Variants in CELSR3 observed in about 807,000 individuals in gnomAD.
CELSR3 encodes the protein EGF-like protein 1.
A neutral mutation model predicts 270.0 loss-of-function variants in CELSR3; 73 were observed. That is an observed-to-expected ratio of 0.27 (90% confidence interval 0.22 to 0.33). CELSR3 has a LOEUF of 0.33. Among genes scored for constraint, CELSR3 ranks in the 10% least tolerant of loss-of-function variants. The pLI, the probability that CELSR3 is intolerant of heterozygous loss-of-function variation, is 1.00. For synonymous variants in CELSR3, 1,780 were observed against 1,905.4 expected (o/e 0.93, Z 1.71); for missense variants, 3,614 against 4,533.8 (o/e 0.80, Z 5.83).
chr3:48,656,825 C>A lies in CELSR3; in HGVS notation c.4272G>T (p.Pro1424=). ...CGCAAAAGTCTCCCGTGAATCCGGG[C>A]GGGCAGCGGCAGCGCAGGCCAGCGA... The part of the protein sequence containing the change: ...QPIAGLRCRC[P]PGFTGDFCET... The change falls in exon 2 of 35, where the codon CCG becomes CCT. Residue 1424 remains proline (P), a synonymous_variant. Transcript: ENST00000164024. 6.2e-7 allele frequency: 1 copy of A among 1,607,488 alleles called. No individual in the cohort carries two copies. The highest frequency in any genetic ancestry group is 1.1e-5 in the South Asian group (1 of 90,112).
Position 48,654,522 on chromosome 3 carries a change from GA to G in CELSR3, c.4989-71del. ...TAGAGTTGCTCCTGGGGGGCCACAG[GA>G]AGCAGGGGGGTAGGACCCAGAGGGT... On this transcript the variant is annotated intron_variant, in intron 6 of 34. Coordinates refer to ENST00000164024, the MANE Select transcript of CELSR3 (RefSeq NM_001407.3). This position sits in a 1 kb window ranked among gnomAD's most constrained non-coding sequence, Gnocchi z 5.4. 2 of 1,360,870 alleles carry G rather than the reference GA, an allele frequency of 1.5e-6. No homozygotes were observed. Among genetic ancestry groups the G allele is most frequent in the Non-Finnish European group, 2.0e-6 (2 of 997,182 alleles). The allele number at this position is 1,360,870 out of a possible 1,614,324, so 84.3% of individuals were successfully genotyped here.
Position 48,656,778 on chromosome 3 carries a change from T to C in CELSR3, c.4319A>G (p.Tyr1440Cys), listed in dbSNP as rs539571990. 27 of 1,590,822 alleles carry C rather than the reference T, an allele frequency of 1.7e-5. No homozygotes were observed. The highest frequency in any genetic ancestry group is 1.7e-4 in the Middle Eastern group (1 of 5,992). The change falls in exon 2 of 35, where the codon TAC becomes TGC. Residue 1440 changes from tyrosine to cysteine, a missense_variant. By Grantham distance (194) the Tyr-to-Cys change is radical. This residue lies in a region of CELSR3 where 1,331 missense variants were observed against 1,933.7 expected (regional missense o/e 0.69). Transcript: ENST00000164024. Reference protein sequence around the residue: ...DFCETELDLCYSNPCRNGGAC... With the variant: ...DFCETELDLCCSNPCRNGGAC... ...TCCGCCGTTGCGACATGGGTTGGAG[T>C]AGCAGAGGTCGAGCTCGGTCTCGCA...
chr3:48,641,581 C>T lies in CELSR3; in HGVS notation c.8825-57G>A, dbSNP rs544482737. On this transcript the variant is annotated intron_variant, in intron 32 of 34. Coordinates refer to ENST00000164024, the MANE Select transcript of CELSR3 (RefSeq NM_001407.3). This position sits in a 1 kb window ranked among gnomAD's most constrained non-coding sequence, Gnocchi z 4.8. The stretch of plus-strand genomic sequence containing the variant: ...TGGGTTGATCCCAGTGACTCATGAC[C>T]CCTGACCCTAATGACCCTTGAAACC... 7.6e-6 allele frequency: 10 copies of T among 1,318,008 alleles called. No homozygotes were observed. In the South Asian group the frequency reaches 1.2e-4, roughly 16 times the overall value. The allele number at this position is 1,318,008 out of a possible 1,614,324, so 81.6% of individuals were successfully genotyped here. A position where few individuals can be genotyped will look rare whatever the true frequency, so the allele number is the denominator to read the frequency against.
chr3:48,641,280 C>T lies in CELSR3; in HGVS notation c.9025+44G>A. 7.8e-7 allele frequency: 1 copy of T among 1,290,040 alleles called. No homozygotes were observed. The highest frequency in any genetic ancestry group is 2.3e-5 in the East Asian group (1 of 43,318). The allele number at this position is 1,290,040 out of a possible 1,614,324, so 79.9% of individuals were successfully genotyped here. A position where few individuals can be genotyped will look rare whatever the true frequency, so the allele number is the denominator to read the frequency against. Reference sequence around the variant, plus strand: ...ATCCCTTGGCTCAGGGCATGAGCAGCCCCCAGCGTGTCTGCGGTGTGGGCC... The same window carrying T: ...ATCCCTTGGCTCAGGGCATGAGCAGTCCCCAGCGTGTCTGCGGTGTGGGCC... On this transcript the variant is annotated intron_variant, in intron 33 of 34. Transcript: ENST00000164024. This position sits in a 1 kb window ranked among gnomAD's most constrained non-coding sequence, Gnocchi z 4.8.
rs2077047126 is a variant in CELSR3, at chr3:48,659,254, G to C, written c.3381C>G (p.Leu1127=). 2 of 1,614,064 alleles carry C rather than the reference G, an allele frequency of 1.2e-6. No individual in the cohort carries two copies. Among genetic ancestry groups the C allele is most frequent in the Admixed American group, 1.7e-5 (1 of 60,010 alleles). ...MDIFSGELTA[L]IDLDYEARQE... Reference sequence around the variant, plus strand: ...GGCGAGCCTCATAGTCTAGGTCAATGAGTGCCGTCAGTTCTCCAGAGAAGA... The same window carrying C: ...GGCGAGCCTCATAGTCTAGGTCAATCAGTGCCGTCAGTTCTCCAGAGAAGA... The change falls in exon 1 of 35, where the codon CTC becomes CTG. Residue 1127 remains leucine (L), a synonymous_variant. Coordinates refer to ENST00000164024, the MANE Select transcript of CELSR3 (RefSeq NM_001407.3). This position sits in a 1 kb window ranked among gnomAD's most constrained non-coding sequence, Gnocchi z 8.1.
chr3:48,650,433 A>AGGGGGGGGGGGG lies in CELSR3; in HGVS notation c.6472+46_6472+47insCCCCCCCCCCCC. ...GACATGGCTCTAGCAGTCAGAGTAC[A>AGGGGGGGGGGGG]GGCCCACCCCCACCCTCAGTGATGT... On this transcript the variant is annotated intron_variant, in intron 16 of 34. Coordinates refer to ENST00000164024, the MANE Select transcript of CELSR3 (RefSeq NM_001407.3). This position sits in a 1 kb window ranked among gnomAD's most constrained non-coding sequence, Gnocchi z 5.1. 19 of 927,782 alleles carry AGGGGGGGGGGGG rather than the reference A, an allele frequency of 2.0e-5. No individual in the cohort carries two copies. Among genetic ancestry groups the AGGGGGGGGGGGG allele is most frequent in the East Asian group, 3.2e-5 (1 of 31,404 alleles). The allele number at this position is 927,782 out of a possible 1,614,324, so 57.5% of individuals were successfully genotyped here.
rs2047124513 is a variant in CELSR3, at chr3:48,650,212, G to C, written c.6472+268C>G. On this transcript the variant is annotated intron_variant, in intron 16 of 34. Transcript: ENST00000164024. The surrounding 1 kb of genome is among the most constrained non-coding windows in gnomAD (Gnocchi z 5.1). ...CTGCAGGGACCTCAGGCAGCAGGAG[G>C]GGTCTGCAAAAGCTCTGGTAGTGGG... 1 of 586,846 alleles carries C rather than the reference G, an allele frequency of 1.7e-6. No homozygotes were observed. Among genetic ancestry groups the C allele is most frequent in the Admixed American group, 2.2e-5 (1 of 46,300 alleles). The allele number at this position is 586,846 out of a possible 1,614,324, so 36.4% of individuals were successfully genotyped here. A position where few individuals can be genotyped will look rare whatever the true frequency, so the allele number is the denominator to read the frequency against.
chr3:48,654,926 T>C lies in CELSR3; in HGVS notation c.4988+118A>G. 1.1e-5 allele frequency: 11 copies of C among 1,047,220 alleles called. No homozygotes were observed. Among genetic ancestry groups the C allele is most frequent in the Admixed American group, 5.9e-5 (3 of 50,886 alleles). The allele number at this position is 1,047,220 out of a possible 1,614,324, so 64.9% of individuals were successfully genotyped here. A position where few individuals can be genotyped will look rare whatever the true frequency, so the allele number is the denominator to read the frequency against. The stretch of plus-strand genomic sequence containing the variant: ...GGTCTTTGAGAGGAGAGGGGAATCT[T>C]GGTGGTTTGGGGGAAAGATGGGAGA... On this transcript the variant is annotated intron_variant, in intron 6 of 34. Transcript: ENST00000164024. The surrounding 1 kb of genome is among the most constrained non-coding windows in gnomAD (Gnocchi z 5.4).
chr3:48,655,775 C>T lies in CELSR3; in HGVS notation c.4702G>A (p.Glu1568Lys). Residue 1568 changes from glutamate to lysine, a missense_variant, in exon 4 of 35, where the codon GAA (glutamate) becomes AAA (lysine). Around this residue, in one of 7 missense-constraint regions of CELSR3, gnomAD observed 1,331 missense variants for 1,933.7 expected, o/e 0.69. Transcript: ENST00000164024. This position sits in a 1 kb window ranked among gnomAD's most constrained non-coding sequence, Gnocchi z 5.8. ...AGCCGCACTTGGCCAGCCACGAGTTCCAGGGCCAGGAAGTCGTGCTTCTCG... is the reference window on the plus strand; with the variant it reads ...AGCCGCACTTGGCCAGCCACGAGTTTCAGGGCCAGGAAGTCGTGCTTCTCG... ...LNEKHDFLALELVAGQVRLTY... is the reference protein window; with the variant it reads ...LNEKHDFLALKLVAGQVRLTY... 1 of 1,613,736 alleles carries T rather than the reference C, an allele frequency of 6.2e-7. No individual in the cohort carries two copies. The highest frequency in any genetic ancestry group is 1.1e-5 in the South Asian group (1 of 91,058).
At position 48,637,780 on chromosome 3, in the gene CELSR3, G is replaced by A. The variant is rs895826515; in HGVS notation, c.*425C>T. On this transcript the variant is annotated 3_prime_UTR_variant, in exon 35 of 35. Coordinates refer to ENST00000164024, the MANE Select transcript of CELSR3 (RefSeq NM_001407.3). Reference sequence around the variant, plus strand: ...CTCAGATCAACTTGGGGGTGGAATAGGGGGAGGAAGGCATGTGTCCCACCC... The same window carrying A: ...CTCAGATCAACTTGGGGGTGGAATAAGGGGAGGAAGGCATGTGTCCCACCC... The A allele has an allele frequency of 1.7e-5, 3 of 174,154 alleles. No individual in the cohort carries two copies. In the Admixed American group the frequency reaches 1.8e-4, roughly 10 times the overall value. The allele number at this position is 174,154 out of a possible 1,614,324, so 10.8% of individuals were successfully genotyped here. A position where few individuals can be genotyped will look rare whatever the true frequency, so the allele number is the denominator to read the frequency against.
In CELSR3 at chr3:48,661,801, G is replaced by A. The variant is rs1452560806; in HGVS notation, c.834C>T (p.Ser278=). Reference sequence around the variant, plus strand: ...GGAAGCGGCAGCGGAAGAGACCCCGGGAGCGCATGCGCTTGGGCGCCGGCT... The same window carrying A: ...GGAAGCGGCAGCGGAAGAGACCCCGAGAGCGCATGCGCTTGGGCGCCGGCT... The part of the protein sequence containing the change: ...APEPAPKRMR[S]RGLFRCRFLP... The change falls in exon 1 of 35, where the codon TCC becomes TCT. Residue 278 remains serine (S), a synonymous_variant. Transcript: ENST00000164024. 2 of 1,608,610 alleles carry A rather than the reference G, an allele frequency of 1.2e-6. No individual in the cohort carries two copies. Among genetic ancestry groups the A allele is most frequent in the Admixed American group, 1.7e-5 (1 of 59,760 alleles).
At position 48,657,441 on chromosome 3, in the gene CELSR3, C is replaced by T. The variant is rs1490438324; in HGVS notation, c.3749-93G>A. 8.2e-6 allele frequency: 11 copies of T among 1,339,320 alleles called. No individual in the cohort carries two copies. The highest frequency in any genetic ancestry group is 2.8e-5 in the Admixed American group (1 of 35,700). The allele number at this position is 1,339,320 out of a possible 1,614,324, so 83.0% of individuals were successfully genotyped here. A position where few individuals can be genotyped will look rare whatever the true frequency, so the allele number is the denominator to read the frequency against. On this transcript the variant is annotated intron_variant, in intron 1 of 34. Transcript: ENST00000164024. This position sits in a 1 kb window ranked among gnomAD's most constrained non-coding sequence, Gnocchi z 5.4. ...GGCTGGGGCCAGCGATAGCCTAGGCCCCCAGAACCTCTAAGTCAGCAGGCT... is the reference window on the plus strand; with the variant it reads ...GGCTGGGGCCAGCGATAGCCTAGGCTCCCAGAACCTCTAAGTCAGCAGGCT...
In CELSR3 at chr3:48,637,547, G is replaced by C. The variant is rs1258173111; in HGVS notation, c.*658C>G. ...TCAGCTGCTCCACCAGCACCCCACA[G>C]CATCAGTCCTAGGTCATAAGGCAGT... On this transcript the variant is annotated 3_prime_UTR_variant, in exon 35 of 35. Transcript: ENST00000164024. 6.6e-6 allele frequency: 1 copy of C among 152,646 alleles called. No homozygotes were observed. The highest frequency in any genetic ancestry group is 2.4e-5 in the African/African-American group (1 of 41,436). The allele number at this position is 152,646 out of a possible 1,614,324, so 9.5% of individuals were successfully genotyped here. A position where few individuals can be genotyped will look rare whatever the true frequency, so the allele number is the denominator to read the frequency against.
In CELSR3 at chr3:48,662,571, G is replaced by A. The variant is rs2077077802; in HGVS notation, c.64C>T (p.Leu22Phe). Residue 22 changes from leucine to phenylalanine, a missense_variant, in exon 1 of 35, where the codon CTT (leucine) becomes TTT (phenylalanine). Physicochemically the swap from Leu to Phe is conservative, Grantham distance 22. Around this residue, in one of 7 missense-constraint regions of CELSR3, gnomAD observed 470 missense variants for 469.7 expected, o/e 1.00. Coordinates refer to ENST00000164024, the MANE Select transcript of CELSR3 (RefSeq NM_001407.3). This position sits in a 1 kb window ranked among gnomAD's most constrained non-coding sequence, Gnocchi z 7.1. ...CTGAGGGGGAACAAAGAGAGGAGAA[G>A]GAGCAGGAGTATGGGGGTCGACCGT... Reference protein sequence around the residue: ...GGRSTPILLLLLLSLFPLSQE... With the variant: ...GGRSTPILLLFLLSLFPLSQE... The A allele has an allele frequency of 6.4e-7, 1 of 1,561,388 alleles. No homozygotes were observed. The highest frequency in any genetic ancestry group is 8.7e-7 in the Non-Finnish European group (1 of 1,153,142).
chr3:48,640,352 C>G lies in CELSR3; in HGVS notation c.9233G>C (p.Arg3078Pro), dbSNP rs763972908. The G allele has an allele frequency of 6.2e-7, 1 of 1,612,482 alleles. No homozygotes were observed. Among genetic ancestry groups the G allele is most frequent in the Admixed American group, 1.7e-5 (1 of 59,998 alleles). Residue 3078 changes from arginine (R) to proline (P), a missense_variant, in exon 34 of 35, where the codon CGG (arginine) becomes CCG (proline). Transcript: ENST00000164024. The surrounding 1 kb of genome is among the most constrained non-coding windows in gnomAD (Gnocchi z 7.5). ...SREQLDLLLR[R>P]QLSRERLEEA... The stretch of plus-strand genomic sequence containing the variant: ...CTCTAGTCGCTCACGGCTCAGTTGC[C>G]GCCGGAGGAGCAGGTCCAGCTGTTC...
intron 3 of CELSR3, 91 bp downstream of exon 3, chr3:48,656,048 TG>T: frequency 9.0e-7 from 1 of 1,115,274 alleles, no homozygotes; most frequent in Non-Finnish European, 1.2e-6. Context: ...CGGTGTCTCA[TG>T]GGGATGCCAG....
At position 48,653,432 on chromosome 3, in the gene CELSR3, G is replaced by A. The variant is rs2047154646; in HGVS notation, c.5448+187C>T. Among the ~76,000 whole-genome samples the A allele has an allele frequency of 6.6e-6, 1 of 152,190 alleles. No individual in the cohort carries two copies. The highest frequency in any genetic ancestry group is 2.4e-5 in the African/African-American group (1 of 41,438). ...TTGCATAAGAGAGAGCTATGCTGGA[G>A]CCCTGCACCTGCAGAGGATATAATG... is the stretch of plus-strand genomic sequence containing the variant. On this transcript the variant is annotated intron_variant, in intron 9 of 34. Transcript: ENST00000164024. This position sits in a 1 kb window ranked among gnomAD's most constrained non-coding sequence, Gnocchi z 6.5.
In CELSR3 at chr3:48,651,304, C is replaced by T; in HGVS notation, c.6186+55G>A. ...AGGTGGCGGAGGTCAGCAAGCTGGA[C>T]AGGAATTGCAGATTGCGTCCAAGGA... On this transcript the variant is annotated intron_variant, in intron 14 of 34. Transcript: ENST00000164024. The surrounding 1 kb of genome is among the most constrained non-coding windows in gnomAD (Gnocchi z 7.4). 1 of 1,603,596 alleles carries T rather than the reference C, an allele frequency of 6.2e-7. No homozygotes were observed. The highest frequency in any genetic ancestry group is 8.5e-7 in the Non-Finnish European group (1 of 1,172,458).
chr3:48,655,494 C>G lies in CELSR3; in HGVS notation c.4742-100G>C. 1.7e-6 allele frequency: 2 copies of G among 1,199,844 alleles called. No homozygotes were observed. Among genetic ancestry groups the G allele is most frequent in the Non-Finnish European group, 2.4e-6 (2 of 818,134 alleles). 74.3% of individuals were successfully genotyped at this position (1,199,844 alleles called of 1,614,324 possible). A position where few individuals can be genotyped will look rare whatever the true frequency, so the allele number is the denominator to read the frequency against. ...ATTCCCAGGGCCACCCTGGATGCAT[C>G]AGATCAGTCCCCCCACTGGTGACCA... is the stretch of plus-strand genomic sequence containing the variant. On this transcript the variant is annotated intron_variant, in intron 4 of 34. Transcript: ENST00000164024. The surrounding 1 kb of genome is among the most constrained non-coding windows in gnomAD (Gnocchi z 5.8).
Sources: gnomAD v4.1 joint callset for allele counts (sites outside exome capture counted in the v4.1 genomes callset) on GRCh38, gnomAD v4.1.1 for gene constraint, gnomAD v4.1.1 regional missense constraint, Gnocchi (gnomAD v3.1) non-coding constraint, MANE v1.5 for transcripts, NCBI Gene and HGNC (gene_info 2026-07-23, HGNC 2026-07-21) for gene names.